EXOC4: variants seen among roughly 807,000 people sequenced by gnomAD.
EXOC4 encodes the protein SEC8-like 1.
EXOC4 carries 71 observed loss-of-function variants against 107.2 expected under a neutral mutation model. The ratio of observed to expected loss-of-function variants is 0.66; its 90% CI spans 0.55 to 0.81. The LOEUF is 0.81. Ranked by LOEUF, EXOC4 falls within the 30% of genes least tolerant of loss-of-function variation. The probability of loss-of-function intolerance (pLI) is 0.00; values close to 1 mark genes in which losing one functional copy is unlikely to be tolerated. For missense variants in EXOC4, 1,108 were observed against 1,189.6 expected (o/e 0.93, Z 1.01); for synonymous variants, 456 against 441.2 (o/e 1.03, Z -0.42).
At chr7:133,282,968 C>G (rs1310995949) in intron 2 of EXOC4, among the ~76,000 whole-genome samples, 1 of 152,206 alleles carries the variant, frequency 6.6e-6, no homozygotes, top group East Asian at 1.9e-4. Flanking sequence ...AACTACTGCT[C>G]TACTTTATGC....
chr7:133,381,321 A>T (rs920593712), intron 7 of EXOC4, among the ~76,000 whole-genome samples: 1 of 152,200 alleles, frequency 6.6e-6, no homozygotes, highest in African/African-American at 2.4e-5. Context: ...ACACACAGAC[A>T]GACTAATGTT....
At chr7:134,034,459 A>G (rs1795342040) in intron 17 of EXOC4, among the ~76,000 whole-genome samples, 1 of 152,220 alleles carries the variant, frequency 6.6e-6, no homozygotes, top group African/African-American at 2.4e-5. Flanking sequence ...GTACATGTCA[A>G]GGGAGAGACC....
chr7:133,766,983 A>C (rs928347791), intron 10 of EXOC4, among the ~76,000 whole-genome samples: 1 of 151,926 alleles, frequency 6.6e-6, no homozygotes, highest in Non-Finnish European at 1.5e-5. Context: ...ACCCTTTGTC[A>C]GACGCTAGAT....
chr7:133,561,456 A>G (rs78137129), intron 9 of EXOC4, among the ~76,000 whole-genome samples: 1 of 152,304 alleles, frequency 6.6e-6, no homozygotes, highest in African/African-American at 2.4e-5. Flanking sequence ...CCTGGCACTT[A>G]TACAGTGCGG....
At chr7:133,378,325 AG>A (rs1434271019) in intron 7 of EXOC4, among the ~76,000 whole-genome samples, 5 of 150,508 alleles carry the variant, frequency 3.3e-5, no homozygotes, top group African/African-American at 9.9e-5. Context: ...AAAAAAAAAA[AG>A]AGTTTTTCAG....
At chr7:133,688,210 T>C (rs193296023) in intron 10 of EXOC4, among the ~76,000 whole-genome samples, 2 of 152,254 alleles carry the variant, frequency 1.3e-5, no homozygotes, top group Non-Finnish European at 2.9e-5. Context: ...GCGTGATAGG[T>C]GGCCTTTATG....
intron 10 of EXOC4, among the ~76,000 whole-genome samples, chr7:133,719,556 C>G (rs1356203135): frequency 6.6e-6 from 1 of 151,648 alleles, no homozygotes; most frequent in Non-Finnish European, 1.5e-5. Context: ...TCATTAAGCC[C>G]TTAGTTGCAG....
At chr7:134,027,388 C>T (rs988792426) in intron 17 of EXOC4, among the ~76,000 whole-genome samples, 7 of 151,978 alleles carry the variant, frequency 4.6e-5, no homozygotes, top group African/African-American at 1.4e-4. Flanking sequence ...GGCTGGGCAC[C>T]GTGGCTCATG....
At chr7:133,676,280 A>G (rs765545263) in intron 10 of EXOC4, among the ~76,000 whole-genome samples, 2 of 152,130 alleles carry the variant, frequency 1.3e-5, no homozygotes, top group Non-Finnish European at 2.9e-5. Flanking sequence ...AAAGTACATT[A>G]CATTTAGAAT....
chr7:134,092,671 G>A, the EXOC4 span, among the ~76,000 whole-genome samples: 5 of 152,082 alleles, frequency 3.3e-5, no homozygotes, highest in Non-Finnish European at 5.9e-5. Context: ...AAGGGAATTC[G>A]TTACCACTAT....
chr7:133,540,387 C>G (rs1366457820), intron 9 of EXOC4, among the ~76,000 whole-genome samples: 2 of 152,118 alleles, frequency 1.3e-5, no homozygotes, highest in East Asian at 3.9e-4. Flanking sequence ...TACTAGATGC[C>G]TAGGAAAAGA....
At chr7:133,367,989 A>G (rs938059940) in intron 6 of EXOC4, among the ~76,000 whole-genome samples, 7 of 152,188 alleles carry the variant, frequency 4.6e-5, no homozygotes, top group African/African-American at 1.7e-4. Flanking sequence ...CCAGATCATC[A>G]TCTTTCATCC....
intron 9 of EXOC4, among the ~76,000 whole-genome samples, chr7:133,617,344 G>A (rs999338833): frequency 2.0e-5 from 3 of 152,084 alleles, no homozygotes; most frequent in African/African-American, 7.2e-5. Context: ...TAAAGAGAGG[G>A]TTGCGTGAAG....
chr7:133,762,004 C>T (rs533811495), intron 10 of EXOC4, among the ~76,000 whole-genome samples: 7 of 152,280 alleles, frequency 4.6e-5, no homozygotes, highest in African/African-American at 1.4e-4. Context: ...TCAGCTCTCA[C>T]GTGCTTGATC....
chr7:133,918,439 G>C (rs1051386862), intron 13 of EXOC4, among the ~76,000 whole-genome samples: 1 of 152,166 alleles, frequency 6.6e-6, no homozygotes, highest in African/African-American at 2.4e-5. Flanking sequence ...ATATGTTTCT[G>C]TCCATACAGA....
At chr7:133,763,745 G>A (rs1796081130) in intron 10 of EXOC4, among the ~76,000 whole-genome samples, 1 of 151,662 alleles carries the variant, frequency 6.6e-6, no homozygotes. Context: ...TCAAGAGGGG[G>A]AAATTATAGT....
At chr7:133,875,179 G>C (rs1355920804) in intron 11 of EXOC4, among the ~76,000 whole-genome samples, 1 of 152,166 alleles carries the variant, frequency 6.6e-6, no homozygotes, top group Non-Finnish European at 1.5e-5. Context: ...GGCTTTAAGT[G>C]TGAGACTTGT....
chr7:133,517,609 G>A (rs1324438681), intron 9 of EXOC4, among the ~76,000 whole-genome samples: 2 of 152,086 alleles, frequency 1.3e-5, no homozygotes, highest in Non-Finnish European at 2.9e-5. Flanking sequence ...CTTGTGCAGG[G>A]AAACTACCCT....
intron 17 of EXOC4, among the ~76,000 whole-genome samples, chr7:134,031,827 C>A (rs1313729674): frequency 6.6e-6 from 1 of 152,154 alleles, no homozygotes; most frequent in African/African-American, 2.4e-5. Flanking sequence ...ATTTTGTTTG[C>A]AACAAAGTTT....
Sources: gnomAD v4.1 joint callset for allele counts (sites outside exome capture counted in the v4.1 genomes callset) on GRCh38, gnomAD v4.1.1 for gene constraint, MANE v1.5 for transcripts, NCBI Gene and HGNC (gene_info 2026-07-23, HGNC 2026-07-21) for gene names.